LPA: variants seen among roughly 807,000 people sequenced by gnomAD.
The protein encoded by LPA is apolipoprotein(a).
LPA carries 199 observed loss-of-function variants against 197.9 expected under a neutral mutation model. The ratio of observed to expected loss-of-function variants is 1.01; its 90% CI spans 0.90 to 1.13. The LOEUF (loss-of-function observed/expected upper bound fraction) is 1.13, where lower values mean the gene tolerates loss of function less well. LPA is among the 50% of genes most tolerant of loss of function. LPA has a pLI of 0.00. For synonymous variants in LPA, 715 were observed against 639.5 expected, an observed-to-expected ratio of 1.12 and a Z score of -1.78; for missense variants, 1,853 against 1,785.8, an observed-to-expected ratio of 1.04 and a Z score of -0.68.
intron 28 of LPA, 21 bp downstream of exon 28, chr6:160,577,115 T>C (rs1345542230): frequency 1.2e-6 from 2 of 1,612,234 alleles, no homozygotes; most frequent in Admixed American, 3.3e-5. Flanking sequence ...GCTCCTCTTA[T>C]GGTTTTAATC....
chr6:160,608,031 TTACCTC>T (rs1158364557), intron 16 of LPA, among the ~76,000 whole-genome samples: 1 of 152,200 alleles, frequency 6.6e-6, no homozygotes, highest in Non-Finnish European at 1.5e-5. Flanking sequence ...GTTCAAATTC[TTACCTC>T]TACATATGCT....
At position 160,590,934 on chromosome 6, in the gene LPA, G is replaced by A; in HGVS notation, c.3787+10C>T. The stretch of plus-strand genomic sequence containing the variant: ...CCAAGGGTGTGGTTGTCTGGCCAGA[G>A]ACTTCTTACCTTGTTCAGAAACAGC... On this transcript the variant is annotated intron_variant, in intron 23 of 38. Coordinates refer to ENST00000316300, the MANE Select transcript of LPA (RefSeq NM_005577.4). 6.2e-7 allele frequency: 1 copy of A among 1,613,902 alleles called. No individual in the cohort carries two copies. Among genetic ancestry groups the A allele is most frequent in the East Asian group, 2.2e-5 (1 of 44,856 alleles).
At chr6:160,558,128 C>A (rs185730269) in intron 28 of LPA, among the ~76,000 whole-genome samples, 3 of 152,142 alleles carry the variant, frequency 2.0e-5, no homozygotes, top group African/African-American at 7.2e-5. Flanking sequence ...ACCGTGTTAG[C>A]CAGGATGGTC....
In LPA at chr6:160,640,719, G is replaced by A. The variant is rs1779834565; in HGVS notation, c.681C>T (p.Val227=). The A allele has an allele frequency of 2.7e-6, 1 of 373,254 alleles. No homozygotes were observed. The highest frequency in any genetic ancestry group is 2.9e-5 in the South Asian group (1 of 34,848). 23.1% of individuals were successfully genotyped at this position (373,254 alleles called of 1,614,324 possible). A position where few individuals can be genotyped will look rare whatever the true frequency, so the allele number is the denominator to read the frequency against. Residue 227 remains valine, a synonymous_variant, in exon 5 of 39, where the codon GTC becomes GTT. Coordinates refer to ENST00000316300, the MANE Select transcript of LPA (RefSeq NM_005577.4). The part of the protein sequence containing the change: ...TQCSDAEGTA[V]APPTVTPVPS... The stretch of plus-strand genomic sequence containing the variant: ...GAACCGGGGTAACAGTCGGAGGCGC[G>A]ACGGCAGTCCCTTCTGCGTCTGAGC...
At chr6:160,532,062 T>A (rs1479315990) in intron 38 of LPA, among the ~76,000 whole-genome samples, 172 bp from the exon 39 acceptor site, 1 of 152,206 alleles carries the variant, frequency 6.6e-6, no homozygotes, top group Non-Finnish European at 1.5e-5. Flanking sequence ...GCAAAGTCTA[T>A]TCAACAAAAC....
In LPA at chr6:160,557,434, G is replaced by T. The variant is rs1156447787; in HGVS notation, c.4769C>A (p.Pro1590His). 6.2e-7 allele frequency: 1 copy of T among 1,613,962 alleles called. No individual in the cohort carries two copies. The highest frequency in any genetic ancestry group is 8.5e-7 in the Non-Finnish European group (1 of 1,180,024). Residue 1590 changes from proline to histidine, a missense_variant, in exon 29 of 39, where the codon CCC (proline) becomes CAC (histidine). Coordinates refer to ENST00000316300, the MANE Select transcript of LPA (RefSeq NM_005577.4). Reference protein sequence around the residue: ...SETESGVLETPTVVPVPSMEA... With the variant: ...SETESGVLETHTVVPVPSMEA... Reference sequence around the variant, plus strand: ...CATGCTTGGAACTGGAACAACAGTGGGAGTCTCTAGGACACCTGATTCTGT... The same window carrying T: ...CATGCTTGGAACTGGAACAACAGTGTGAGTCTCTAGGACACCTGATTCTGT...
chr6:160,577,440 C>A, intron 27 of LPA, 145 bp from the exon 28 acceptor site: 1 of 675,576 alleles, frequency 1.5e-6, no homozygotes. Context: ...GTGAAAAGAC[C>A]CAGTAGATTC....
chr6:160,591,378 C>T (rs9456550), intron 22 of LPA, among the ~76,000 whole-genome samples: 9,198 of 152,100 alleles, frequency 0.06, 958 homozygotes, highest in African/African-American at 0.21. Flanking sequence ...ATCAGAATAC[C>T]CTCCTTCCAC....
intron 24 of LPA, among the ~76,000 whole-genome samples, chr6:160,589,274 T>C (rs1200191444): frequency 6.6e-6 from 1 of 152,250 alleles, no homozygotes; most frequent in African/African-American, 2.4e-5. Flanking sequence ...AATGGTGCTA[T>C]TTCTAAGCAC....
At chr6:160,555,315 G>A (rs1357837704) in intron 30 of LPA, among the ~76,000 whole-genome samples, 1 of 141,902 alleles carries the variant, frequency 7.0e-6, no homozygotes, top group Non-Finnish European at 1.5e-5. Context: ...GTGTGTGTGT[G>A]TGTGTGTATG....
intron 18 of LPA, among the ~76,000 whole-genome samples, chr6:160,602,132 A>T (rs901457333): frequency 6.6e-6 from 1 of 152,178 alleles, no homozygotes; most frequent in African/African-American, 2.4e-5. Flanking sequence ...TACACATGTG[A>T]CCTAGTCTCA....
chr6:160,542,826 A>C lies in LPA; in HGVS notation c.5399-18T>G. 1 of 1,613,722 alleles carries C rather than the reference A, an allele frequency of 6.2e-7. No homozygotes were observed. The highest frequency in any genetic ancestry group is 1.1e-5 in the South Asian group (1 of 91,076). ...AGAGGATGCTGTGGCACAAGGTGGG[A>C]AAAGAAGTCGCATTTGAGTCCAAGT... is the stretch of plus-strand genomic sequence containing the variant. On this transcript the variant is annotated intron_variant, in intron 33 of 38. Transcript: ENST00000316300.
intron 21 of LPA, among the ~76,000 whole-genome samples, chr6:160,595,046 G>A (rs2115048545): frequency 6.6e-6 from 1 of 152,198 alleles, no homozygotes; most frequent in East Asian, 1.9e-4. Flanking sequence ...CACAAATTTG[G>A]CAAAATGTTA....
At chr6:160,554,667 T>C (rs926186425) in intron 30 of LPA, among the ~76,000 whole-genome samples, 2 of 152,136 alleles carry the variant, frequency 1.3e-5, no homozygotes, top group Non-Finnish European at 2.9e-5. Context: ...ACTGTTTCCC[T>C]GAATTTGTCC....
At chr6:160,631,991 AGTGTGTGT>A (rs1554240938) in intron 8 of LPA, among the ~76,000 whole-genome samples, 23 of 131,292 alleles carry the variant, frequency 1.8e-4, no homozygotes, top group Middle Eastern at 8.1e-3. Flanking sequence ...GTGTGTTTTC[AGTGTGTGT>A]GTGTGTGTGT....
chr6:160,574,128 G>A (rs1386119418), intron 28 of LPA, among the ~76,000 whole-genome samples: 1 of 152,042 alleles, frequency 6.6e-6, no homozygotes, highest in African/African-American at 2.4e-5. Flanking sequence ...GTGTACCTAG[G>A]AGGATTATGG....
intron 1 of LPA, among the ~76,000 whole-genome samples, chr6:160,654,065 TTA>T (rs1780082015): frequency 2.8e-4 from 5 of 17,668 alleles, no homozygotes; most frequent in South Asian, 2.2e-3. Context: ...ATTATATATA[TTA>T]TATATAATAT....
At chr6:160,573,171 G>T (rs1304018261) in intron 28 of LPA, among the ~76,000 whole-genome samples, 3 of 152,034 alleles carry the variant, frequency 2.0e-5, no homozygotes. Context: ...GGGTTAATTT[G>T]AAGTCCTTGT....
intron 19 of LPA, among the ~76,000 whole-genome samples, chr6:160,600,000 G>A (rs1163476576): frequency 1.3e-5 from 2 of 152,176 alleles, no homozygotes; most frequent in Admixed American, 1.3e-4. Flanking sequence ...TAGAAGAAAG[G>A]GTGATGCATT....
Sources: gnomAD v4.1 joint callset for allele counts (sites outside exome capture counted in the v4.1 genomes callset) on GRCh38, gnomAD v4.1.1 for gene constraint, MANE v1.5 for transcripts, NCBI Gene and HGNC (gene_info 2026-07-23, HGNC 2026-07-21) for gene names.